The following PDE1C variants were observed in gnomAD, a reference collection of about 807,000 sequenced individuals.
The protein encoded by PDE1C is dual specificity calcium/calmodulin-dependent 3',5'-cyclic nucleotide phosphodiesterase 1C.
PDE1C carries 62 observed loss-of-function variants against 93.1 expected under a neutral mutation model. The ratio of observed to expected loss-of-function variants is 0.67; its 90% CI spans 0.54 to 0.82. The LOEUF (loss-of-function observed/expected upper bound fraction) is 0.82. PDE1C is among the 40% of genes least tolerant of loss of function. PDE1C has a pLI of 0.00. For synonymous variants in PDE1C, 325 were observed against 310.1 expected (o/e 1.05, Z -0.50); for missense variants, 742 against 884.6 (o/e 0.84, Z 2.04).
At chr7:31,643,217 C>A in the PDE1C span, 1 of 1,613,884 alleles carries the variant, frequency 6.2e-7, no homozygotes, top group East Asian at 2.2e-5. Flanking sequence ...GACTCTGAGG[C>A]CCCACGAGAA....
At chr7:31,934,281 T>G (rs1804718449) in intron 2 of PDE1C, among the ~76,000 whole-genome samples, 1 of 152,222 alleles carries the variant, frequency 6.6e-6, no homozygotes, top group South Asian at 2.1e-4. Context: ...GTACACTGAT[T>G]CAAAAAATGA....
chr7:32,106,704 A>G (rs979757684), intron 3 of PDE1C, among the ~76,000 whole-genome samples: 3 of 152,220 alleles, frequency 2.0e-5, no homozygotes, highest in Admixed American at 6.5e-5. Flanking sequence ...AGGCAACCCA[A>G]TTCCTCAAGA....
At chr7:32,023,341 G>T (rs1207183957) in intron 2 of PDE1C, among the ~76,000 whole-genome samples, 2 of 152,176 alleles carry the variant, frequency 1.3e-5, no homozygotes, top group East Asian at 3.9e-4. Context: ...CTGTTACTAA[G>T]TTCTAATTGG....
chr7:32,355,321 G>A (rs184098157), intron 1 of PDE1C, among the ~76,000 whole-genome samples: 238 of 152,342 alleles, frequency 1.6e-3, no homozygotes, highest in Admixed American at 3.3e-3. Context: ...GCCTCCCTTA[G>A]CCCTCAATGC....
intron 2 of PDE1C, among the ~76,000 whole-genome samples, chr7:32,028,841 A>T (rs1789848731): frequency 6.6e-6 from 1 of 152,002 alleles, no homozygotes; most frequent in Admixed American, 6.6e-5. Flanking sequence ...TCAATTCCCC[A>T]TTCCTTCCCT....
chr7:31,990,905 T>C lies in PDE1C; in HGVS notation c.128+60649A>G, dbSNP rs151055577. ...TACAATATTTATTTCATGCTTAAAC[T>C]ACCACATTTTTTCCTCACACAGAGG... On this transcript the variant is annotated intron_variant, in intron 2 of 17. Coordinates refer to ENST00000396191, the MANE Select transcript of PDE1C (RefSeq NM_001191057.4). Among the ~76,000 whole-genome samples the C allele has an allele frequency of 3.9e-5, 6 of 152,314 alleles. No individual in the cohort carries two copies. In the East Asian group the frequency reaches 9.6e-4, roughly 24 times the overall value.
the PDE1C span, among the ~76,000 whole-genome samples, chr7:31,693,214 T>C: frequency 1.3e-5 from 2 of 152,112 alleles, no homozygotes; most frequent in Admixed American, 6.5e-5. Flanking sequence ...AAAAGTGCAA[T>C]TGAAGTAAAA....
At chr7:31,807,794 T>C (rs2128706689) in intron 16 of PDE1C, among the ~76,000 whole-genome samples, 1 of 152,048 alleles carries the variant, frequency 6.6e-6, no homozygotes, top group African/African-American at 2.4e-5. Flanking sequence ...AAACAAACCT[T>C]ACCTATAATA....
chr7:32,184,215 T>C lies in PDE1C; in HGVS notation c.137-14259A>G, dbSNP rs557137599. Among the ~76,000 whole-genome samples, 159 of 152,278 alleles carry C rather than the reference T, an allele frequency of 1.0e-3. 5 individuals are homozygous for C. In the South Asian group the frequency reaches 0.032, roughly 30 times the overall value. Reference sequence around the variant, plus strand: ...ACTGTTGGTGGGACTGTAAACTAGTTCAACCATTGTGGAAGTCAGTGTGGC... The same window carrying C: ...ACTGTTGGTGGGACTGTAAACTAGTCCAACCATTGTGGAAGTCAGTGTGGC... On this transcript the variant is annotated intron_variant, in intron 2 of 18. Coordinates refer to the PDE1C transcript ENST00000396193.
downstream of PDE1C, chr7:31,751,141 G>A (rs1319564096): frequency 2.0e-5 from 3 of 152,170 alleles, no homozygotes; most frequent in South Asian, 2.1e-4. Flanking sequence ...CTAACATCCC[G>A]GAATTTCAGA....
intron 16 of PDE1C, among the ~76,000 whole-genome samples, chr7:31,778,932 A>G (rs780383018): frequency 2.0e-5 from 3 of 152,062 alleles, no homozygotes; most frequent in Non-Finnish European, 4.4e-5. Flanking sequence ...ACTCAAAGAA[A>G]TTTTTCCCCT....
At chr7:32,227,348 G>A (rs959309034) in intron 1 of PDE1C, among the ~76,000 whole-genome samples, 9 of 152,114 alleles carry the variant, frequency 5.9e-5, no homozygotes, top group African/African-American at 9.7e-5. Context: ...GATGTCCCCC[G>A]TCATATGTTC....
intron 2 of PDE1C, among the ~76,000 whole-genome samples, chr7:32,202,840 G>A (rs1186795524): frequency 6.6e-6 from 1 of 152,132 alleles, no homozygotes; most frequent in Non-Finnish European, 1.5e-5. Flanking sequence ...TTTGTGGTAT[G>A]AAAACTTAAC....
intron 1 of PDE1C, among the ~76,000 whole-genome samples, chr7:32,373,180 C>T (rs943357652): frequency 1.7e-4 from 26 of 152,282 alleles, no homozygotes; most frequent in African/African-American, 6.3e-4. Flanking sequence ...AGCAGCATTA[C>T]TCATAAAAGC....
chr7:31,694,382 T>TAACACACA, the PDE1C span, among the ~76,000 whole-genome samples: 2 of 104,786 alleles, frequency 1.9e-5, no homozygotes, highest in African/African-American at 8.0e-5. Flanking sequence ...TCTCTCTCTC[T>TAACACACA]CTCAAACACA....
At chr7:31,638,847 G>C in the PDE1C span, among the ~76,000 whole-genome samples, 1 of 152,140 alleles carries the variant, frequency 6.6e-6, no homozygotes, top group African/African-American at 2.4e-5. Context: ...CCCAATCTCA[G>C]CTTACTACAA....
At chr7:32,309,105 G>A (rs548326122) in intron 1 of PDE1C, among the ~76,000 whole-genome samples, 30 of 152,244 alleles carry the variant, frequency 2.0e-4, no homozygotes, top group Admixed American at 1.2e-3. Flanking sequence ...GAAGAATGCA[G>A]AAGCCTCAGG....
intron 2 of PDE1C, among the ~76,000 whole-genome samples, chr7:32,033,325 T>A (rs1198296329): frequency 6.6e-6 from 1 of 152,092 alleles, no homozygotes; most frequent in African/African-American, 2.4e-5. Flanking sequence ...ACCCTGGAAT[T>A]CATTCAGTAG....
intron 1 of PDE1C, among the ~76,000 whole-genome samples, chr7:32,304,450 C>T (rs1023291249): frequency 2.6e-5 from 4 of 152,134 alleles, no homozygotes; most frequent in Admixed American, 6.5e-5. Context: ...ACAGCCAGCC[C>T]CATTAGCCAT....
Sources: allele counts gnomAD v4.1 joint callset (sites outside exome capture counted in the v4.1 genomes callset), GRCh38; gene constraint gnomAD v4.1.1; transcripts MANE v1.5; gene names NCBI Gene and HGNC (gene_info 2026-07-23, HGNC 2026-07-21).